DOCK1: variants seen among roughly 807,000 people sequenced by gnomAD.
DOCK1 encodes dedicator of cytokinesis protein 1.
In DOCK1, 138 loss-of-function variants were observed where a neutral mutation model predicts 262.7. That is an observed-to-expected ratio of 0.53 (90% CI 0.46 to 0.61). DOCK1 has a LOEUF of 0.61. Ranked by LOEUF, DOCK1 falls within the 20% of genes least tolerant of loss-of-function variation. The probability of loss-of-function intolerance (pLI) is 0.00; values close to 1 mark genes in which losing one functional copy is unlikely to be tolerated. For missense variants in DOCK1, 1,908 were observed against 2,370.7 expected (o/e 0.80, Z 4.05); for synonymous variants, 866 against 867.4 (o/e 1.00, Z 0.03).
intron 28 of DOCK1, among the ~76,000 whole-genome samples, chr10:127,248,507 G>A (rs1041370455): frequency 3.3e-5 from 5 of 152,120 alleles, no homozygotes; most frequent in African/African-American, 1.2e-4. Context: ...GCTTTAAGTT[G>A]TACTCCATTA....
In DOCK1 at chr10:127,037,715, C is replaced by T. The variant is rs369448608; in HGVS notation, c.1913-4C>T. 1 of 1,580,008 alleles carries T rather than the reference C, an allele frequency of 6.3e-7. No homozygotes were observed. The highest frequency in any genetic ancestry group is 8.6e-7 in the Non-Finnish European group (1 of 1,162,838). ...AAGATCTGATTGTCATTTTCTGTTT[C>T]CAGTGGACCTTCTGGGGCTCTTGAA... On this transcript the variant is annotated splice_polypyrimidine_tract_variant and splice_region_variant and intron_variant, in intron 18 of 51. Coordinates refer to ENST00000623213, the MANE Select transcript of DOCK1 (RefSeq NM_001290223.2).
At chr10:127,205,705 A>T (rs961552850) in intron 27 of DOCK1, among the ~76,000 whole-genome samples, 3 of 152,198 alleles carry the variant, frequency 2.0e-5, no homozygotes, top group African/African-American at 7.2e-5. Context: ...CTGAAGTGCA[A>T]TCAGCTTAAA....
intron 31 of DOCK1, among the ~76,000 whole-genome samples, chr10:127,350,543 C>A (rs2063835740): frequency 1.3e-5 from 2 of 152,324 alleles, no homozygotes; most frequent in South Asian, 4.1e-4. Context: ...GTTACATTTT[C>A]TCACAGTTCC....
chr10:126,912,067 G>A (rs6597829), intron 1 of DOCK1, among the ~76,000 whole-genome samples: 3,995 of 152,226 alleles, frequency 0.026, 200 homozygotes, highest in African/African-American at 0.09. Flanking sequence ...GTTACAGACA[G>A]CTGTCTTCAC....
In DOCK1 at chr10:126,906,915, G is replaced by A. The variant is rs372768226; in HGVS notation, c.46+1352G>A. Among the ~76,000 whole-genome samples the A allele has an allele frequency of 2.0e-5, 3 of 152,290 alleles. No homozygotes were observed. The East Asian group carries it at 5.8e-4, about 30-fold the overall frequency. On this transcript the variant is annotated intron_variant, in intron 1 of 51. Transcript: ENST00000623213. ...GCACTTAGCTTGTTCCACATGCTGG[G>A]AGGCATAGGGGGCCTCCTTGCTTCA...
At chr10:127,159,716 C>T (rs1350371535) in intron 27 of DOCK1, among the ~76,000 whole-genome samples, 5 of 152,046 alleles carry the variant, frequency 3.3e-5, no homozygotes, top group Non-Finnish European at 7.4e-5. Context: ...GAGGGCATCA[C>T]GGGTAGACAT....
intron 27 of DOCK1, among the ~76,000 whole-genome samples, chr10:127,214,101 C>T (rs561914432): frequency 3.3e-5 from 5 of 152,298 alleles, no homozygotes; most frequent in African/African-American, 7.2e-5. Context: ...CTCGCCTCGG[C>T]GTCCCAAAGT....
intron 38 of DOCK1, among the ~76,000 whole-genome samples, chr10:127,398,473 G>C (rs183289115): frequency 2.4e-4 from 37 of 152,324 alleles, no homozygotes; most frequent in African/African-American, 8.4e-4. Flanking sequence ...CCTCCTGCTA[G>C]TCCTGGGCCT....
At chr10:127,097,579 C>T (rs1051546475) in intron 23 of DOCK1, among the ~76,000 whole-genome samples, 4 of 152,106 alleles carry the variant, frequency 2.6e-5, no homozygotes, top group Non-Finnish European at 1.5e-5. Context: ...TCAGTGGGTC[C>T]TGCACACGTG....
rs887992564 is a variant in DOCK1, at chr10:127,183,629, A to G, written c.2847+55865A>G. On this transcript the variant is annotated intron_variant, in intron 27 of 51. Coordinates refer to ENST00000623213, the MANE Select transcript of DOCK1 (RefSeq NM_001290223.2). ...TGCTTGTAATCTTCTCGGCCCTCAT[A>G]CAGTTTGCAGTTCATGGCCTAGTCT... Among the ~76,000 whole-genome samples the G allele has an allele frequency of 2.0e-5, 3 of 152,170 alleles. No individual in the cohort carries two copies. The East Asian group carries it at 5.8e-4, about 29-fold the overall frequency.
intron 49 of DOCK1, among the ~76,000 whole-genome samples, chr10:127,441,023 A>G (rs1474424667): frequency 6.6e-6 from 1 of 152,244 alleles, no homozygotes; most frequent in Non-Finnish European, 1.5e-5. Context: ...AGGGGAATGA[A>G]CAGAAGCATT....
chr10:127,027,659 G>A (rs1423808377), intron 16 of DOCK1, among the ~76,000 whole-genome samples: 2 of 152,284 alleles, frequency 1.3e-5, no homozygotes, highest in East Asian at 3.9e-4. Context: ...GCAAGGTGGA[G>A]GCTGGCCACC....
At chr10:127,361,136 CAG>C (rs1181313811) in intron 32 of DOCK1, among the ~76,000 whole-genome samples, 1 of 99,768 alleles carries the variant, frequency 1.0e-5, no homozygotes, top group Admixed American at 1.5e-4. Context: ...TTTTTTGAGA[CAG>C]AGTCTTGCTC....
chr10:127,364,954 TTTG>T (rs1399857429), intron 33 of DOCK1, among the ~76,000 whole-genome samples: 1 of 152,188 alleles, frequency 6.6e-6, no homozygotes. Flanking sequence ...AACAGCTGTT[TTTG>T]TTTCTCTGGC....
intron 1 of DOCK1, among the ~76,000 whole-genome samples, chr10:126,937,511 C>CTG (rs2034633189): frequency 8.8e-6 from 1 of 114,148 alleles, no homozygotes; most frequent in South Asian, 2.6e-4. Context: ...TTGTTATTTT[C>CTG]TGTTTTTTTT....
chr10:127,173,895 G>T lies in DOCK1; in HGVS notation c.2847+46131G>T, dbSNP rs545862825. ...TACTGTTAAGATTTTTGTACATTTGGCTGGCAGTTCTTTTTGCTTAAGAGC... is the reference window on the plus strand; with the variant it reads ...TACTGTTAAGATTTTTGTACATTTGTCTGGCAGTTCTTTTTGCTTAAGAGC... On this transcript the variant is annotated intron_variant, in intron 27 of 51. Coordinates refer to ENST00000623213, the MANE Select transcript of DOCK1 (RefSeq NM_001290223.2). Among the ~76,000 whole-genome samples the T allele has an allele frequency of 8.5e-5, 13 of 152,278 alleles. 1 individual carries two copies. In the South Asian group the frequency reaches 2.7e-3, roughly 32 times the overall value.
chr10:127,294,646 T>C (rs11814177), intron 29 of DOCK1, among the ~76,000 whole-genome samples: 22,535 of 144,340 alleles, frequency 0.16, 1,941 homozygotes, highest in East Asian at 0.25. Context: ...ATGTGAGTTG[T>C]CCTATTTTTT....
At chr10:127,438,810 C>T (rs181203475) in intron 48 of DOCK1, among the ~76,000 whole-genome samples, 73 of 152,304 alleles carry the variant, frequency 4.8e-4, no homozygotes, top group African/African-American at 1.7e-3. Context: ...TTTGCCCTAT[C>T]GTGCTAAGTG....
At chr10:127,404,258 A>G in intron 39 of DOCK1, 67 bp from the exon 40 acceptor site, 2 of 1,398,632 alleles carry the variant, frequency 1.4e-6, no homozygotes, top group South Asian at 1.2e-5. Context: ...AGAGCCCGCA[A>G]GAAGAATCCA....
Sources: gnomAD v4.1 joint callset for allele counts (sites outside exome capture counted in the v4.1 genomes callset) on GRCh38, gnomAD v4.1.1 for gene constraint, MANE v1.5 for transcripts, NCBI Gene and HGNC (gene_info 2026-07-23, HGNC 2026-07-21) for gene names.